Variants in TACR1 observed in about 807,000 individuals in gnomAD.
TACR1 encodes substance-P receptor.
TACR1 carries 25 observed loss-of-function variants against 35.8 expected under a neutral mutation model. The observed-to-expected ratio is 0.70, with a 90% CI of 0.51 to 0.98. TACR1 has a LOEUF of 0.98. Among genes scored for constraint, TACR1 ranks in the 50% least tolerant of loss-of-function variants. TACR1 has a pLI of 0.00. For synonymous variants in TACR1, 195 were observed against 206.7 expected (o/e 0.94, Z 0.48); for missense variants, 478 against 522.9 (o/e 0.91, Z 0.84).
intron 1 of TACR1, among the ~76,000 whole-genome samples, chr2:75,194,016 T>C (rs1371999728): frequency 6.6e-6 from 1 of 152,194 alleles, no homozygotes; most frequent in Non-Finnish European, 1.5e-5. Flanking sequence ...GCAACAATAA[T>C]AGTAACAGTG....
chr2:75,122,037 G>A (rs1673980083), intron 1 of TACR1, among the ~76,000 whole-genome samples: 1 of 152,146 alleles, frequency 6.6e-6, no homozygotes, highest in Non-Finnish European at 1.5e-5. Context: ...AATTCCCACT[G>A]GACACCTGCC....
chr2:75,101,467 C>T (rs956116448), intron 2 of TACR1, among the ~76,000 whole-genome samples: 4 of 151,998 alleles, frequency 2.6e-5, no homozygotes, highest in African/African-American at 9.7e-5. Flanking sequence ...TATTATTATT[C>T]CTAATTTTCA....
chr2:75,191,033 G>A lies in TACR1; in HGVS notation c.389+7513C>T, dbSNP rs140446318. On this transcript the variant is annotated intron_variant, in intron 1 of 4. Transcript: ENST00000305249. Reference sequence around the variant, plus strand: ...GTAGCATTAAAACTCATGCTGATTCGTATGTCTCCAGGTCATCATAAAGCA... The same window carrying A: ...GTAGCATTAAAACTCATGCTGATTCATATGTCTCCAGGTCATCATAAAGCA... 2.6e-5 allele frequency among the ~76,000 whole-genome samples: 4 copies of A among 152,254 alleles called. No homozygotes were observed. The East Asian group carries it at 5.8e-4, about 22-fold the overall frequency.
chr2:75,123,026 CAT>C (rs1673999760), intron 1 of TACR1, among the ~76,000 whole-genome samples: 1 of 152,208 alleles, frequency 6.6e-6, no homozygotes, highest in Non-Finnish European at 1.5e-5. Flanking sequence ...AGAGCCAACA[CAT>C]GTGGGCCTGT....
chr2:75,106,988 A>C (rs897699833), intron 2 of TACR1, among the ~76,000 whole-genome samples: 14 of 151,858 alleles, frequency 9.2e-5, no homozygotes, highest in Non-Finnish European at 1.9e-4. Flanking sequence ...AACCGATATC[A>C]AAATATACTG....
intron 2 of TACR1, among the ~76,000 whole-genome samples, chr2:75,074,855 C>T (rs959766829): frequency 1.6e-4 from 25 of 152,104 alleles, no homozygotes; most frequent in Non-Finnish European, 1.5e-5. Context: ...ATGTGTGTAG[C>T]GTGGGTTGGT....
intron 1 of TACR1, among the ~76,000 whole-genome samples, chr2:75,168,140 T>G (rs1675189597): frequency 6.6e-6 from 1 of 152,352 alleles, no homozygotes; most frequent in South Asian, 2.1e-4. Context: ...GAAGAATACT[T>G]GTTGTTTATT....
chr2:75,102,818 C>G (rs1182340856), intron 2 of TACR1, among the ~76,000 whole-genome samples: 1 of 152,012 alleles, frequency 6.6e-6, no homozygotes, highest in African/African-American at 2.4e-5. Context: ...AGACATGATT[C>G]AGAATGATGG....
At chr2:75,163,717 TAATC>T (rs914290509) in intron 1 of TACR1, among the ~76,000 whole-genome samples, 6 of 152,250 alleles carry the variant, frequency 3.9e-5, no homozygotes, top group Middle Eastern at 6.8e-3. Flanking sequence ...TTGAAGAAAA[TAATC>T]AATTCAATAT....
At chr2:75,064,976 G>A (rs1280283534) in intron 2 of TACR1, among the ~76,000 whole-genome samples, 1 of 152,166 alleles carries the variant, frequency 6.6e-6, no homozygotes, top group Non-Finnish European at 1.5e-5. Context: ...AGACAGAAAG[G>A]GACCTCCTGA....
At chr2:75,146,123 A>AT (rs974761725) in intron 1 of TACR1, among the ~76,000 whole-genome samples, 1 of 151,722 alleles carries the variant, frequency 6.6e-6, no homozygotes, top group Non-Finnish European at 1.5e-5. Context: ...CCTTTTTAAA[A>AT]TTTTTTTTCT....
intron 2 of TACR1, among the ~76,000 whole-genome samples, chr2:75,055,489 G>C (rs1356805885): frequency 6.6e-6 from 1 of 152,198 alleles, no homozygotes; most frequent in African/African-American, 2.4e-5. Flanking sequence ...AGTCCCTCCT[G>C]GTTGCTGTAA....
At chr2:75,050,814 G>C (rs1367839376) in intron 4 of TACR1, among the ~76,000 whole-genome samples, 1 of 152,210 alleles carries the variant, frequency 6.6e-6, no homozygotes, top group Non-Finnish European at 1.5e-5. Context: ...GGGCGAATGT[G>C]CTCTGTGGGG....
At chr2:75,165,768 T>G (rs1253818858) in intron 1 of TACR1, among the ~76,000 whole-genome samples, 1 of 152,178 alleles carries the variant, frequency 6.6e-6, no homozygotes, top group African/African-American at 2.4e-5. Flanking sequence ...GTCCCTGCTC[T>G]TTTTGTCCTC....
At chr2:75,171,485 G>A (rs981045757) in intron 1 of TACR1, among the ~76,000 whole-genome samples, 15 of 152,210 alleles carry the variant, frequency 9.9e-5, no homozygotes, top group African/African-American at 3.6e-4. Flanking sequence ...TCCCACTGGG[G>A]CACTGCCTAG....
chr2:75,135,164 C>T (rs996766430), intron 1 of TACR1, among the ~76,000 whole-genome samples: 1 of 152,224 alleles, frequency 6.6e-6, no homozygotes, highest in Non-Finnish European at 1.5e-5. Context: ...TTCCTCTTCC[C>T]ATGCGGGCCC....
intron 1 of TACR1, among the ~76,000 whole-genome samples, chr2:75,186,371 C>CAAAAAAAAAAAAAA (rs373147504): frequency 1.2e-5 from 1 of 81,826 alleles, no homozygotes; most frequent in Non-Finnish European, 2.3e-5. Flanking sequence ...GACTCTGTCT[C>CAAAAAAAAAAAAAA]AAAAAAAAAA....
intron 1 of TACR1, among the ~76,000 whole-genome samples, chr2:75,124,679 C>T (rs1674039020): frequency 6.6e-6 from 1 of 152,158 alleles, no homozygotes; most frequent in African/African-American, 2.4e-5. Flanking sequence ...GTGAAAACAG[C>T]CACAGACAGC....
At chr2:75,135,589 G>A (rs1336272323) in intron 1 of TACR1, among the ~76,000 whole-genome samples, 2 of 152,202 alleles carry the variant, frequency 1.3e-5, no homozygotes, top group South Asian at 2.1e-4. Flanking sequence ...AGGCCAATGA[G>A]GCAGTGGCGT....
Sources: allele counts gnomAD v4.1 joint callset (sites outside exome capture counted in the v4.1 genomes callset), GRCh38; gene constraint gnomAD v4.1.1; transcripts MANE v1.5; gene names NCBI Gene and HGNC (gene_info 2026-07-23, HGNC 2026-07-21).